ISX: variants seen among roughly 807,000 people sequenced by gnomAD.
ISX encodes intestine specific homeobox.
Under a neutral mutation model 16.9 loss-of-function variants are expected in ISX, and 15 were observed. That is an observed-to-expected ratio of 0.89 (90% CI 0.59 to 1.36). ISX has a LOEUF of 1.36. ISX is among the 40% of genes most tolerant of loss of function. The pLI, the probability that ISX is intolerant of heterozygous loss-of-function variation, is 0.00. For synonymous variants in ISX, 125 were observed against 119.7 expected (o/e 1.04, Z -0.29); for missense variants, 316 against 306.1 (o/e 1.03, Z -0.24).
rs1262991540 is a variant in ISX at position 35,084,442 on chromosome 22, G to A, written c.441G>A (p.Gly147=). 1.9e-6 allele frequency: 3 copies of A among 1,613,610 alleles called. No individual in the cohort carries two copies. The highest frequency in any genetic ancestry group is 1.3e-5 in the African/African-American group (1 of 74,920). ...AGCAGGAGAAGATTGGCAACCTGGG[G>A]GCTCCACAGCAGCTGAGTGAAGCCA... ...WRKQEKIGNL[G]APQQLSEASV... Residue 147 remains glycine (G), a synonymous_variant, in exon 4 of 5, where the codon GGG becomes GGA. Coordinates refer to ENST00000404699, the MANE Select transcript of ISX (RefSeq NM_001303508.2).
intron 2 of ISX, among the ~76,000 whole-genome samples, chr22:35,071,772 G>A (rs1254994078): frequency 6.6e-6 from 1 of 152,150 alleles, no homozygotes; most frequent in Non-Finnish European, 1.5e-5. Context: ...CACAAGAAAG[G>A]GAGAGGTACC....
intron 3 of ISX, among the ~76,000 whole-genome samples, chr22:35,083,080 C>G (rs1411097148): frequency 6.6e-6 from 1 of 152,214 alleles, no homozygotes; most frequent in Non-Finnish European, 1.5e-5. Context: ...GTCAGAGCAA[C>G]TGTTCAACCA....
At chr22:35,080,285 C>T (rs1929094833) in intron 2 of ISX, among the ~76,000 whole-genome samples, 1 of 152,344 alleles carries the variant, frequency 6.6e-6, no homozygotes, top group South Asian at 2.1e-4. Context: ...CTGATAGGTC[C>T]TTAATTTGAA....
At chr22:35,074,559 T>C (rs1014446197) in intron 2 of ISX, among the ~76,000 whole-genome samples, 2 of 152,218 alleles carry the variant, frequency 1.3e-5, no homozygotes, top group African/African-American at 4.8e-5. Flanking sequence ...GAAATGTCTA[T>C]TCCTCCTGTT....
At position 35,066,771 on chromosome 22, in the gene ISX, T is replaced by TA. The variant is rs1928709279; in HGVS notation, c.-317_-316insA. On this transcript the variant is annotated 5_prime_UTR_variant, in exon 2 of 5. Coordinates refer to ENST00000404699, the MANE Select transcript of ISX (RefSeq NM_001303508.2). ...CCTCAGGGATCCTGGCCTAACCTGGTGATTGTGCAGGCAACTGTGTCCGAG... is the reference window on the plus strand; with the variant it reads ...CCTCAGGGATCCTGGCCTAACCTGGTAGATTGTGCAGGCAACTGTGTCCGAG... 1 of 306,614 alleles carries TA rather than the reference T, an allele frequency of 3.3e-6. No homozygotes were observed. The highest frequency in any genetic ancestry group is 5.5e-5 in the South Asian group (1 of 18,126). 19.0% of individuals were successfully genotyped at this position (306,614 alleles called of 1,614,324 possible).
intron 2 of ISX, among the ~76,000 whole-genome samples, chr22:35,075,300 C>T (rs1928953140): frequency 6.6e-6 from 1 of 152,182 alleles, no homozygotes; most frequent in African/African-American, 2.4e-5. Flanking sequence ...GTCTAAAATT[C>T]ATGGAGCATA....
intron 2 of ISX, among the ~76,000 whole-genome samples, chr22:35,081,896 T>C (rs1929130826): frequency 6.6e-6 from 1 of 152,244 alleles, no homozygotes; most frequent in African/African-American, 2.4e-5. Context: ...CATCTTGCAC[T>C]GGGCCCCACA....
At chr22:35,068,009 C>T (rs1488098020) in intron 2 of ISX, among the ~76,000 whole-genome samples, 1 of 152,228 alleles carries the variant, frequency 6.6e-6, no homozygotes, top group African/African-American at 2.4e-5. Context: ...GGTGTGGACG[C>T]ACACACCTGC....
Position 35,082,658 on chromosome 22 carries a change from G to C in ISX, c.370G>C (p.Ala124Pro), listed in dbSNP as rs778687097. The part of the protein sequence containing the change: ...QLAARINLPE[A>P]RVQIWFQNQR... The stretch of plus-strand genomic sequence containing the variant: ...GGCAGCCAGGATCAACCTCCCAGAA[G>C]CTCGGGTGCAGGTACAGCCATCCCT... The change falls in exon 3 of 5, where the codon GCT becomes CCT. Residue 124 changes from alanine (A) to proline (P), a missense_variant. Transcript: ENST00000404699. 1 of 1,614,108 alleles carries C rather than the reference G, an allele frequency of 6.2e-7. No homozygotes were observed. Among genetic ancestry groups the C allele is most frequent in the Non-Finnish European group, 8.5e-7 (1 of 1,180,016 alleles).
chr22:35,082,760 A>G, intron 3 of ISX, 91 bp downstream of exon 3: 5 of 1,377,886 alleles, frequency 3.6e-6, no homozygotes, highest in Non-Finnish European at 5.0e-6. Context: ...GGGTTGCCCC[A>G]TCTAAAAGTT....
At chr22:35,071,052 T>C (rs1261616546) in intron 2 of ISX, among the ~76,000 whole-genome samples, 1 of 152,242 alleles carries the variant, frequency 6.6e-6, no homozygotes, top group Non-Finnish European at 1.5e-5. Context: ...GACATGACCC[T>C]GACACATTAG....
At chr22:35,078,614 T>C (rs565407112) in intron 2 of ISX, among the ~76,000 whole-genome samples, 1 of 149,544 alleles carries the variant, frequency 6.7e-6, no homozygotes, top group South Asian at 2.1e-4. Flanking sequence ...CCTCACTGCC[T>C]GCGACTCCCA....
chr22:35,071,361 C>T (rs1298397844), intron 2 of ISX, among the ~76,000 whole-genome samples: 1 of 152,188 alleles, frequency 6.6e-6, no homozygotes, highest in Non-Finnish European at 1.5e-5. Context: ...ATTCAGAAAG[C>T]CAGAAGTCTG....
intron 1 of ISX, 107 bp downstream of exon 1, chr22:35,066,569 G>C (rs1289162908): frequency 6.2e-6 from 1 of 160,710 alleles, no homozygotes; most frequent in Non-Finnish European, 1.4e-5. Flanking sequence ...GCCACCTGAG[G>C]CCAAGGGTGG....
chr22:35,072,355 C>T (rs1309325214), intron 2 of ISX, among the ~76,000 whole-genome samples: 2 of 152,184 alleles, frequency 1.3e-5, no homozygotes, highest in African/African-American at 4.8e-5. Context: ...TGATATGGGA[C>T]ATGCAAGGAA....
chr22:35,077,125 C>T (rs1303703044), intron 2 of ISX, among the ~76,000 whole-genome samples: 1 of 152,190 alleles, frequency 6.6e-6, no homozygotes, highest in African/African-American at 2.4e-5. Flanking sequence ...TAGCAGGGAC[C>T]CAGAACACCC....
intron 2 of ISX, among the ~76,000 whole-genome samples, chr22:35,070,302 C>A (rs914025019): frequency 6.6e-6 from 1 of 152,148 alleles, no homozygotes; most frequent in Admixed American, 6.5e-5. Flanking sequence ...GATTCTACAC[C>A]CAGCCTCCTG....
At chr22:35,075,604 CAA>C (rs2146290696) in intron 2 of ISX, among the ~76,000 whole-genome samples, 1 of 152,164 alleles carries the variant, frequency 6.6e-6, no homozygotes, top group Non-Finnish European at 1.5e-5. Context: ...AAGGAAGAAA[CAA>C]AAATTTTTTT....
At chr22:35,068,952 G>T (rs1306886648) in intron 2 of ISX, among the ~76,000 whole-genome samples, 1 of 152,158 alleles carries the variant, frequency 6.6e-6, no homozygotes, top group African/African-American at 2.4e-5. Flanking sequence ...GGTGGCCTTA[G>T]ACCATCTACT....
Sources: allele counts gnomAD v4.1 joint callset (sites outside exome capture counted in the v4.1 genomes callset), GRCh38; gene constraint gnomAD v4.1.1; transcripts MANE v1.5; gene names NCBI Gene and HGNC (gene_info 2026-07-23, HGNC 2026-07-21).